CLASP2: variants seen among roughly 807,000 people sequenced by gnomAD.
CLASP2 encodes CLIP-associating protein 2.
CLASP2 carries 47 observed loss-of-function variants against 194.4 expected under a neutral mutation model. The ratio of observed to expected loss-of-function variants is 0.24; its 90% CI spans 0.19 to 0.31. The LOEUF (loss-of-function observed/expected upper bound fraction) is 0.31. Among genes scored for constraint, CLASP2 ranks in the 10% least tolerant of loss-of-function variants. The pLI is 1.00. For missense variants in CLASP2, 1,445 were observed against 1,823.6 expected (o/e 0.79, Z 3.78); for synonymous variants, 619 against 633.5 (o/e 0.98, Z 0.34).
intron 1 of CLASP2, among the ~76,000 whole-genome samples, chr3:33,703,834 C>A (rs1403350856): frequency 6.6e-6 from 1 of 152,190 alleles, no homozygotes; most frequent in Non-Finnish European, 1.5e-5. Context: ...AACTTGAAAG[C>A]AACCAAGATG....
chr3:33,586,042 C>A (rs951533705), intron 21 of CLASP2, among the ~76,000 whole-genome samples: 3 of 152,034 alleles, frequency 2.0e-5, no homozygotes, highest in Non-Finnish European at 4.4e-5. Flanking sequence ...AATAGCAAAG[C>A]GCTCTTGGGT....
In CLASP2 at chr3:33,682,252, G is replaced by GA. The variant is rs980520472; in HGVS notation, c.644+2106dup. On this transcript the variant is annotated intron_variant, in intron 6 of 38. Transcript: ENST00000682230. ...CATATTTGATATTATAGAATTATAT[G>GA]AAAAAAAAACTTTATAGAGTGTGAT... 9.3e-5 allele frequency among the ~76,000 whole-genome samples: 14 copies of GA among 150,762 alleles called. No homozygotes were observed. The South Asian group carries it at 1.5e-3, about 16-fold the overall frequency.
At position 33,604,133 on chromosome 3, in the gene CLASP2, CTTAT is replaced by C. The variant is rs755853473; in HGVS notation, c.1750+17_1750+20del. 6.5e-7 allele frequency: 1 copy of C among 1,528,520 alleles called. No homozygotes were observed. The highest frequency in any genetic ancestry group is 1.2e-5 in the South Asian group (1 of 83,310). 94.7% of individuals were successfully genotyped at this position (1,528,520 alleles called of 1,614,324 possible). On this transcript the variant is annotated intron_variant, in intron 17 of 38. Coordinates refer to ENST00000682230, the MANE Select transcript of CLASP2 (RefSeq NM_001365631.1). Reference sequence around the variant, plus strand: ...TTCAAAGATAAAATAGGTTATAACTCTTATTTAAAGAGAAAATTACCTCTTCCAG... The same window carrying C: ...TTCAAAGATAAAATAGGTTATAACTCTTAAAGAGAAAATTACCTCTTCCAG...
intron 1 of CLASP2, among the ~76,000 whole-genome samples, chr3:33,705,233 T>C (rs2092617143): frequency 6.6e-6 from 1 of 152,246 alleles, no homozygotes; most frequent in Admixed American, 6.5e-5. Context: ...GAATGGCTGA[T>C]ACATGCTATA....
At chr3:33,569,941 A>G (rs2063439023) in intron 26 of CLASP2, among the ~76,000 whole-genome samples, 1 of 152,186 alleles carries the variant, frequency 6.6e-6, no homozygotes, top group South Asian at 2.1e-4. Context: ...GAAGACAATA[A>G]AAAGAAACAG....
chr3:33,707,540 C>A (rs1312054354), intron 1 of CLASP2, among the ~76,000 whole-genome samples: 2 of 152,106 alleles, frequency 1.3e-5, no homozygotes, highest in Non-Finnish European at 2.9e-5. Context: ...ATTAACAGAT[C>A]TAGACACTGA....
intron 16 of CLASP2, among the ~76,000 whole-genome samples, chr3:33,605,250 G>A (rs1388499477): frequency 6.6e-6 from 1 of 152,028 alleles, no homozygotes; most frequent in African/African-American, 2.4e-5. Flanking sequence ...AAGATCTTCA[G>A]GTGATTTGTA....
At chr3:33,681,062 T>G (rs1575547300) in intron 6 of CLASP2, among the ~76,000 whole-genome samples, 1 of 135,776 alleles carries the variant, frequency 7.4e-6, no homozygotes, top group Non-Finnish European at 1.6e-5. Flanking sequence ...GAGGCGGAGG[T>G]TGCAGTGAGC....
At chr3:33,639,886 G>A (rs921192025) in intron 8 of CLASP2, among the ~76,000 whole-genome samples, 1 of 152,208 alleles carries the variant, frequency 6.6e-6, no homozygotes, top group African/African-American at 2.4e-5. Context: ...TGATCCAAGA[G>A]GAAGCCCCTG....
chr3:33,585,679 G>A (rs1270852394), intron 21 of CLASP2, among the ~76,000 whole-genome samples: 1 of 151,894 alleles, frequency 6.6e-6, no homozygotes, highest in African/African-American at 2.4e-5. Flanking sequence ...CCTGTCACCC[G>A]AACAATGTAC....
intron 32 of CLASP2, among the ~76,000 whole-genome samples, chr3:33,541,894 G>A (rs1413220349): frequency 6.6e-6 from 1 of 152,094 alleles, no homozygotes; most frequent in African/African-American, 2.4e-5. Flanking sequence ...TCTGTCTCTA[G>A]GTCTTTGAGG....
intron 33 of CLASP2, among the ~76,000 whole-genome samples, chr3:33,537,632 T>C (rs950856466): frequency 4.6e-5 from 7 of 152,176 alleles, no homozygotes; most frequent in African/African-American, 1.7e-4. Context: ...ATGTTGTAGG[T>C]TATAACATTC....
chr3:33,514,144 C>T (rs1015549618), intron 36 of CLASP2, among the ~76,000 whole-genome samples: 3 of 152,104 alleles, frequency 2.0e-5, no homozygotes, highest in African/African-American at 7.2e-5. Flanking sequence ...TCCACCATGA[C>T]ACCTGGCTAA....
chr3:33,554,867 T>C (rs1443612757), intron 29 of CLASP2: 1 of 152,716 alleles, frequency 6.5e-6, no homozygotes, highest in African/African-American at 2.4e-5. Flanking sequence ...AAAGGGATTA[T>C]GGAATATAAA....
intron 23 of CLASP2, among the ~76,000 whole-genome samples, chr3:33,578,765 T>C (rs907006507): frequency 1.5e-4 from 23 of 152,222 alleles, no homozygotes; most frequent in Non-Finnish European, 3.2e-4. Context: ...GAATCAATAG[T>C]TATCTGTGAC....
At chr3:33,510,459 G>T in intron 37 of CLASP2, 99 bp downstream of exon 37, 1 of 1,091,558 alleles carries the variant, frequency 9.2e-7, no homozygotes. Context: ...CAAACGGGAG[G>T]AAGGCTTGAT....
At chr3:33,698,368 C>T (rs1223248622) in intron 1 of CLASP2, among the ~76,000 whole-genome samples, 1 of 152,084 alleles carries the variant, frequency 6.6e-6, no homozygotes. Context: ...TTGGGGAAAG[C>T]CATGGTCTTT....
chr3:33,502,031 G>A (rs1459436135), intron 37 of CLASP2: 1 of 304,628 alleles, frequency 3.3e-6, no homozygotes, highest in African/African-American at 2.2e-5. Context: ...TGACTCTGAG[G>A]CTGCTCACTT....
rs1053374168 is a variant in CLASP2 at position 33,616,757 on chromosome 3, T to G, written c.1317+2846A>C. On this transcript the variant is annotated intron_variant, in intron 12 of 38. Coordinates refer to ENST00000682230, the MANE Select transcript of CLASP2 (RefSeq NM_001365631.1). The stretch of plus-strand genomic sequence containing the variant: ...TCCTTTTTTTTTTTTTTTTTTTTTT[T>G]GGGACAGTCTTGCTGTGTCGCCCAG... Among the ~76,000 whole-genome samples the G allele has an allele frequency of 2.0e-4, 28 of 141,764 alleles. No individual in the cohort carries two copies. In the South Asian group the frequency reaches 3.4e-3, roughly 17 times the overall value. 93.0% of individuals were successfully genotyped at this position (141,764 alleles called of 152,430 possible).
Sources: allele counts gnomAD v4.1 joint callset (sites outside exome capture counted in the v4.1 genomes callset), GRCh38; gene constraint gnomAD v4.1.1; transcripts MANE v1.5; gene names NCBI Gene and HGNC (gene_info 2026-07-23, HGNC 2026-07-21).